The following PTDSS1 variants were observed in gnomAD, a reference collection of about 807,000 sequenced individuals.
The protein encoded by PTDSS1 is PSS-1.
In PTDSS1, 45 loss-of-function variants were observed where a neutral mutation model predicts 70.5. The ratio of observed to expected loss-of-function variants is 0.64; its 90% CI spans 0.50 to 0.82. The LOEUF (loss-of-function observed/expected upper bound fraction) is 0.82. PTDSS1 is among the 40% of genes least tolerant of loss of function. The pLI is 0.00. For missense variants in PTDSS1, 417 were observed against 586.1 expected, an observed-to-expected ratio of 0.71 and a Z score of 2.98; for synonymous variants, 188 against 203.8, an observed-to-expected ratio of 0.92 and a Z score of 0.66.
At chr8:96,320,431 G>T in intron 10 of PTDSS1, 86 bp downstream of exon 10, 1 of 1,179,764 alleles carries the variant, frequency 8.5e-7, no homozygotes, top group East Asian at 2.4e-5. Context: ...ACCCTCTTGT[G>T]TATCAAAGTT....
rs922881374 is a variant in PTDSS1, at chr8:96,333,843, A to T, written c.*277A>T. On this transcript the variant is annotated 3_prime_UTR_variant, in exon 13 of 13. Coordinates refer to ENST00000517309, the MANE Select transcript of PTDSS1 (RefSeq NM_014754.3). ...GTGGCAGCGCGGTGTGTTGAAGGGA[A>T]ACGGTAGCTATTCATTCACAGTTGC... 4.6e-6 allele frequency: 3 copies of T among 654,402 alleles called. No homozygotes were observed. The highest frequency in any genetic ancestry group is 1.8e-5 in the African/African-American group (1 of 55,500). 40.5% of individuals were successfully genotyped at this position (654,402 alleles called of 1,614,324 possible). A position where few individuals can be genotyped will look rare whatever the true frequency, so the allele number is the denominator to read the frequency against.
At chr8:96,309,767 C>A (rs1186575448) in intron 9 of PTDSS1, 145 bp downstream of exon 9, 2 of 587,246 alleles carry the variant, frequency 3.4e-6, no homozygotes, top group Non-Finnish European at 6.1e-6. Flanking sequence ...ATATCTATAT[C>A]TATATATACA....
rs1262976573 is a variant in PTDSS1 at position 96,262,113 on chromosome 8, A to G, written c.73A>G (p.Asn25Asp). The change falls in exon 1 of 13, where the codon AAC (asparagine) becomes GAC (aspartate). Residue 25 changes from asparagine (N) to aspartate (D), a missense_variant. By Grantham distance (23) the Asn-to-Asp change is conservative. Coordinates refer to ENST00000517309, the MANE Select transcript of PTDSS1 (RefSeq NM_014754.3). This position sits in a 1 kb window ranked among gnomAD's most constrained non-coding sequence, Gnocchi z 4.4. Reference sequence around the variant, plus strand: ...CTACAAAATGCATTTCCGGATGATCAACGAGCAGCAAGTGGAGGACATCAC... The same window carrying G: ...CTACAAAATGCATTTCCGGATGATCGACGAGCAGCAAGTGGAGGACATCAC... Reference protein sequence around the residue: ...VNYKMHFRMINEQQVEDITID... With the variant: ...VNYKMHFRMIDEQQVEDITID... The G allele has an allele frequency of 7.4e-6, 12 of 1,613,920 alleles. No homozygotes were observed. The highest frequency in any genetic ancestry group is 1.0e-5 in the Non-Finnish European group (12 of 1,179,828).
At chr8:96,330,149 T>C (rs776733758) in intron 10 of PTDSS1, 64 bp from the exon 11 acceptor site, 26 of 1,470,924 alleles carry the variant, frequency 1.8e-5, no homozygotes, top group Non-Finnish European at 2.5e-5. Flanking sequence ...TGATTCCCAC[T>C]GAAACCCTGA....
intron 5 of PTDSS1, among the ~76,000 whole-genome samples, chr8:96,299,300 C>CAA (rs1811018461): frequency 6.6e-6 from 1 of 152,176 alleles, no homozygotes; most frequent in South Asian, 2.1e-4. Flanking sequence ...CTTGAATTCT[C>CAA]AAGCTGCTAA....
intron 10 of PTDSS1, among the ~76,000 whole-genome samples, chr8:96,322,518 A>C (rs943027728): frequency 6.6e-6 from 1 of 151,418 alleles, no homozygotes; most frequent in Non-Finnish European, 1.5e-5. Context: ...TAACAATCCC[A>C]CTCCTGCAAT....
chr8:96,269,744 G>A (rs963449312), intron 1 of PTDSS1, among the ~76,000 whole-genome samples: 5 of 152,158 alleles, frequency 3.3e-5, no homozygotes, highest in Admixed American at 3.3e-4. Flanking sequence ...TTCCTTCAGG[G>A]CAAGGCTATA....
In PTDSS1 at chr8:96,306,503, A is replaced by C. The variant is rs1353915282; in HGVS notation, c.954A>C (p.Pro318=). The C allele has an allele frequency of 6.2e-7, 1 of 1,614,162 alleles. No individual in the cohort carries two copies. Among genetic ancestry groups the C allele is most frequent in the Non-Finnish European group, 8.5e-7 (1 of 1,180,006 alleles). ...TCTTTGTGTTCCAAGCCAGTCATCC[A>C]TTAAGTTGGGGTAGAATTCTCTTTA... The part of the protein sequence containing the change: ...KHIFVFQASH[P]LSWGRILFIG... The change falls in exon 8 of 13, where the codon CCA becomes CCC. Residue 318 remains proline (P), a synonymous_variant. Transcript: ENST00000517309.
At chr8:96,289,694 C>T (rs368605302) in intron 4 of PTDSS1, among the ~76,000 whole-genome samples, 10 of 152,120 alleles carry the variant, frequency 6.6e-5, no homozygotes, top group Admixed American at 4.6e-4. Context: ...CTTTGACAAA[C>T]AAGAAGTAAC....
intron 10 of PTDSS1, among the ~76,000 whole-genome samples, chr8:96,324,258 C>A (rs1278767202): frequency 6.6e-6 from 1 of 152,164 alleles, no homozygotes; most frequent in African/African-American, 2.4e-5. Context: ...GAGCCCTCAC[C>A]AGGATCACCC....
chr8:96,294,110 T>C (rs1386235122), intron 4 of PTDSS1, among the ~76,000 whole-genome samples: 2 of 152,204 alleles, frequency 1.3e-5, no homozygotes, highest in East Asian at 3.8e-4. Context: ...TCTCAAAAAA[T>C]AGAATTCTTA....
chr8:96,309,521 A>G (rs1811175537), intron 8 of PTDSS1, 36 bp from the exon 9 acceptor site: 1 of 1,594,228 alleles, frequency 6.3e-7, no homozygotes, highest in Non-Finnish European at 8.6e-7. Context: ...CTGGTCTTCC[A>G]GCAGCTCTCA....
Position 96,333,518 on chromosome 8 carries a change from G to A in PTDSS1, c.1374G>A (p.Arg458=). ...ACGAAAGCCATTCTTCCAGGAGAAG[G>A]AATCGGCATTCCAAGTCAAAAGTCA... ...GNNESHSSRR[R]NRHSKSKVTN... is the part of the protein sequence containing the mutation. The change falls in exon 13 of 13, where the codon AGG becomes AGA. Residue 458 remains arginine (R), a synonymous_variant. Coordinates refer to ENST00000517309, the MANE Select transcript of PTDSS1 (RefSeq NM_014754.3). 6.2e-7 allele frequency: 1 copy of A among 1,614,066 alleles called. No individual in the cohort carries two copies. The highest frequency in any genetic ancestry group is 8.5e-7 in the Non-Finnish European group (1 of 1,179,978).
At chr8:96,298,809 A>G (rs1245451129) in intron 5 of PTDSS1, among the ~76,000 whole-genome samples, 1 of 152,148 alleles carries the variant, frequency 6.6e-6, no homozygotes, top group Non-Finnish European at 1.5e-5. Flanking sequence ...TGGGAGGCTG[A>G]GGCAGGTGGA....
At chr8:96,303,676 A>C (rs1396608550) in intron 6 of PTDSS1, among the ~76,000 whole-genome samples, 1 of 152,188 alleles carries the variant, frequency 6.6e-6, no homozygotes, top group Non-Finnish European at 1.5e-5. Flanking sequence ...AAATGAAGAA[A>C]GGTTAAATAT....
At chr8:96,312,195 A>T (rs1454138397) in intron 9 of PTDSS1, among the ~76,000 whole-genome samples, 3 of 152,228 alleles carry the variant, frequency 2.0e-5, no homozygotes, top group African/African-American at 7.2e-5. Flanking sequence ...TCACGCCTGT[A>T]ATCTCAGCAA....
intron 5 of PTDSS1, among the ~76,000 whole-genome samples, chr8:96,296,756 T>C (rs180834223): frequency 3.1e-4 from 47 of 152,334 alleles, no homozygotes; most frequent in African/African-American, 9.9e-4. Flanking sequence ...TGCACAGCCT[T>C]GCTTCCTTAG....
chr8:96,310,847 C>G (rs1044070834), intron 9 of PTDSS1, among the ~76,000 whole-genome samples: 1 of 151,990 alleles, frequency 6.6e-6, no homozygotes, highest in African/African-American at 2.4e-5. Context: ...CTCACTGCAA[C>G]CTCCGCCTCC....
At chr8:96,310,827 G>A (rs1008074076) in intron 9 of PTDSS1, among the ~76,000 whole-genome samples, 9 of 151,292 alleles carry the variant, frequency 5.9e-5, no homozygotes, top group Admixed American at 2.0e-4. Flanking sequence ...GTACAGTGGC[G>A]TGATCTCGGC....
Sources: allele counts gnomAD v4.1 joint callset (sites outside exome capture counted in the v4.1 genomes callset), GRCh38; gene constraint gnomAD v4.1.1; non-coding constraint Gnocchi (gnomAD v3.1); transcripts MANE v1.5; gene names NCBI Gene and HGNC (gene_info 2026-07-23, HGNC 2026-07-21).